The following COL9A3 variants were observed in gnomAD, a reference collection of about 807,000 sequenced individuals.
The protein encoded by COL9A3 is collagen alpha-3(IX) chain.
Under a neutral mutation model 110.2 loss-of-function variants are expected in COL9A3, and 82 were observed. That is an observed-to-expected ratio of 0.74 (90% CI 0.62 to 0.89). COL9A3 has a LOEUF of 0.89. COL9A3 is among the 40% of genes least tolerant of loss of function. The pLI, the probability that COL9A3 is intolerant of heterozygous loss-of-function variation, is 0.00. For synonymous variants in COL9A3, 494 were observed against 403.8 expected, an observed-to-expected ratio of 1.22 and a Z score of -2.68; for missense variants, 1,066 against 981.3, an observed-to-expected ratio of 1.09 and a Z score of -1.15.
At chr20:62,838,649 T>C in intron 30 of COL9A3, 35 bp from the exon 31 acceptor site, 1 of 1,537,680 alleles carries the variant, frequency 6.5e-7, no homozygotes, top group Non-Finnish European at 8.8e-7. Flanking sequence ...CAACAGATAC[T>C]CTAACCATAT....
At position 62,826,399 on chromosome 20, in the gene COL9A3, G is replaced by A. The variant is rs867825915; in HGVS notation, c.738+142G>A. 21 of 818,320 alleles carry A rather than the reference G, an allele frequency of 2.6e-5. No individual in the cohort carries two copies. The African/African-American group carries it at 3.1e-4, about 12-fold the overall frequency. 50.7% of individuals were successfully genotyped at this position (818,320 alleles called of 1,614,324 possible). A position where few individuals can be genotyped will look rare whatever the true frequency, so the allele number is the denominator to read the frequency against. On this transcript the variant is annotated intron_variant, in intron 14 of 31. Transcript: ENST00000649368. ...TCTGGCCATCGCCACTGTGGCGCAG[G>A]CCTTGCTCTGGGCCCCTGTTCTCGC... is the stretch of plus-strand genomic sequence containing the variant.
intron 25 of COL9A3, 56 bp from the exon 26 acceptor site, chr20:62,832,964 G>T: frequency 6.7e-7 from 1 of 1,491,536 alleles, no homozygotes; most frequent in Non-Finnish European, 9.4e-7. Context: ...TTTAAGGCAT[G>T]AAGTCCCTAC....
At chr20:62,822,883 A>C (rs2063522537) in intron 10 of COL9A3, among the ~76,000 whole-genome samples, 1 of 151,056 alleles carries the variant, frequency 6.6e-6, no homozygotes, top group Non-Finnish European at 1.5e-5. Context: ...CACCAGGCGC[A>C]TGGAGCTGTA....
chr20:62,825,196 G>T lies in COL9A3; in HGVS notation c.630+175G>T, dbSNP rs116748499. On this transcript the variant is annotated intron_variant, in intron 12 of 31. Coordinates refer to ENST00000649368, the MANE Select transcript of COL9A3 (RefSeq NM_001853.4). Reference sequence around the variant, plus strand: ...CGGCGGGAGGGAGGGGCTGGGCTCCGGCGGTGGGGAGGGACCGTTTCATGG... The same window carrying T: ...CGGCGGGAGGGAGGGGCTGGGCTCCTGCGGTGGGGAGGGACCGTTTCATGG... Among the ~76,000 whole-genome samples, 4,385 of 138,916 alleles carry T rather than the reference G, an allele frequency of 0.032. 287 individuals carry two copies. The highest frequency in any genetic ancestry group is 0.11 in the African/African-American group (3,526 of 32,292). The allele number at this position is 138,916 out of a possible 152,430, so 91.1% of individuals were successfully genotyped here.
At chr20:62,832,963 TG>T (rs2063608284) in intron 25 of COL9A3, 56 bp from the exon 26 acceptor site, 1 of 1,509,562 alleles carries the variant, frequency 6.6e-7, no homozygotes, top group Non-Finnish European at 9.2e-7. Context: ...CTTTAAGGCA[TG>T]AAGTCCCTAC....
chr20:62,824,621 C>A, intron 11 of COL9A3, 120 bp downstream of exon 11: 1 of 1,090,288 alleles, frequency 9.2e-7, no homozygotes, highest in Non-Finnish European at 1.4e-6. Flanking sequence ...CAGGGTTGCC[C>A]CAGGAAGAAA....
intron 30 of COL9A3, 116 bp downstream of exon 30, chr20:62,837,381 G>T: frequency 3.6e-6 from 4 of 1,112,922 alleles, no homozygotes; most frequent in South Asian, 1.3e-5. Flanking sequence ...CCCCTGGAAC[G>T]TGGGGGCCTC....
chr20:62,826,774 T>A lies in COL9A3; in HGVS notation c.746T>A (p.Ile249Asn). The A allele has an allele frequency of 1.9e-6, 3 of 1,612,700 alleles. No homozygotes were observed. Among genetic ancestry groups the A allele is most frequent in the Non-Finnish European group, 2.5e-6 (3 of 1,179,924 alleles). Residue 249 changes from isoleucine (I) to asparagine (N), a missense_variant, in exon 15 of 32, where the codon ATT becomes AAT. Coordinates refer to ENST00000649368, the MANE Select transcript of COL9A3 (RefSeq NM_001853.4). ...PLGPPGDRGP[I>N]GFRGPPGIPG... Reference sequence around the variant, plus strand: ...CCCCTCTCTCCTCTGCAGGGTCCCATTGGGTTCCGAGGGCCGCCTGGGATC... The same window carrying A: ...CCCCTCTCTCCTCTGCAGGGTCCCAATGGGTTCCGAGGGCCGCCTGGGATC...
At position 62,821,812 on chromosome 20, in the gene COL9A3, T is replaced by C. The variant is rs776565960; in HGVS notation, c.423+2T>C. 1 of 1,594,112 alleles carries C rather than the reference T, an allele frequency of 6.3e-7. No individual in the cohort carries two copies. Among genetic ancestry groups the C allele is most frequent in the Non-Finnish European group, 8.6e-7 (1 of 1,164,906 alleles). On this transcript the variant is annotated splice_donor_variant, in intron 8 of 31. Coordinates refer to ENST00000649368, the MANE Select transcript of COL9A3 (RefSeq NM_001853.4). LOFTEE classifies it high-confidence loss of function. ...GGGATCGGCCTCCGCGGCCCCCCGG[T>C]GAGTGGCTGTCCCAGAGCCCCTCAG... is the stretch of plus-strand genomic sequence containing the variant.
intron 30 of COL9A3, among the ~76,000 whole-genome samples, 160 bp from the exon 31 acceptor site, chr20:62,838,524 C>G (rs960445613): frequency 3.3e-5 from 5 of 152,262 alleles, no homozygotes; most frequent in Admixed American, 2.6e-4. Context: ...TCTCGTCGGA[C>G]CCCGTCAAGC....
At position 62,841,068 on chromosome 20, in the gene COL9A3, C is replaced by A; in HGVS notation, c.*336C>A. On this transcript the variant is annotated 3_prime_UTR_variant, in exon 32 of 32. Transcript: ENST00000649368. ...TTGTGTAAAGACTATGATCTCATCC[C>A]AATAAAATGATATATTAAACCTTCA... is the stretch of plus-strand genomic sequence containing the variant. 3.8e-6 allele frequency: 1 copy of A among 266,282 alleles called. No homozygotes were observed. Among genetic ancestry groups the A allele is most frequent in the Non-Finnish European group, 7.3e-6 (1 of 136,524 alleles). 16.5% of individuals were successfully genotyped at this position (266,282 alleles called of 1,614,324 possible).
rs375356709 is a variant in COL9A3 at position 62,840,517 on chromosome 20, A to G, written c.1865-25A>G. On this transcript the variant is annotated intron_variant, in intron 31 of 31. Transcript: ENST00000649368. The stretch of plus-strand genomic sequence containing the variant: ...TGCTTTCAGTCCGGGCTGCAGCTGA[A>G]CTCACCTTTCTGCTCTGTCCCAAGG... 122 of 1,607,370 alleles carry G rather than the reference A, an allele frequency of 7.6e-5. No individual in the cohort carries two copies. The African/African-American group carries it at 1.4e-3, about 19-fold the overall frequency.
chr20:62,819,091 G>A (rs2147196398), intron 3 of COL9A3, 131 bp from the exon 4 acceptor site: 1 of 917,570 alleles, frequency 1.1e-6, no homozygotes, highest in Non-Finnish European at 1.8e-6. Flanking sequence ...GACAGTAGGG[G>A]GGACCCAGGA....
At chr20:62,828,713 G>T in intron 17 of COL9A3, 51 bp from the exon 18 acceptor site, 1 of 1,599,452 alleles carries the variant, frequency 6.3e-7, no homozygotes, top group African/African-American at 1.3e-5. Flanking sequence ...GACTGTAGAG[G>T]GAGGGAGGGG....
intron 12 of COL9A3, 65 bp from the exon 13 acceptor site, chr20:62,825,752 G>C: frequency 6.7e-7 from 1 of 1,487,078 alleles, no homozygotes; most frequent in Non-Finnish European, 9.2e-7. Context: ...AGGGTGACTG[G>C]AGGCACCGAA....
chr20:62,827,716 T>A (rs1600799645), intron 16 of COL9A3, among the ~76,000 whole-genome samples: 1 of 152,070 alleles, frequency 6.6e-6, no homozygotes, highest in Non-Finnish European at 1.5e-5. Flanking sequence ...GCAGCCGGAG[T>A]GCAGGGAGCC....
chr20:62,817,408 A>G, intron 1 of COL9A3, 159 bp from the exon 2 acceptor site: 2 of 579,734 alleles, frequency 3.4e-6, no homozygotes, highest in Non-Finnish European at 5.9e-6. Flanking sequence ...CGGGGGACAC[A>G]CTGCGCGGGG....
chr20:62,830,558 C>T lies in COL9A3; in HGVS notation c.1257C>T (p.Pro419=), dbSNP rs1331728206. The change falls in exon 24 of 32, where the codon CCC becomes CCT. Residue 419 remains proline, a synonymous_variant. Coordinates refer to ENST00000649368, the MANE Select transcript of COL9A3 (RefSeq NM_001853.4). ...TGGGAGACCCCGGCCTTCCAGGCCCCCAGGGCCTCCGAGGTGACGTGGGCG... is the reference window on the plus strand; with the variant it reads ...TGGGAGACCCCGGCCTTCCAGGCCCTCAGGGCCTCCGAGGTGACGTGGGCG... The part of the protein sequence containing the change: ...GSMGDPGLPG[P]QGLRGDVGDR... 6.2e-7 allele frequency: 1 copy of T among 1,606,914 alleles called. No individual in the cohort carries two copies. Among genetic ancestry groups the T allele is most frequent in the South Asian group, 1.1e-5 (1 of 89,846 alleles).
chr20:62,827,329 A>T (rs760303548), intron 16 of COL9A3, 35 bp downstream of exon 16: 2 of 1,606,012 alleles, frequency 1.2e-6, no homozygotes, highest in South Asian at 2.2e-5. Context: ...CTGGGTCCTT[A>T]TGTGGAAGAA....
Sources: gnomAD v4.1 joint callset for allele counts (sites outside exome capture counted in the v4.1 genomes callset) on GRCh38, gnomAD v4.1.1 for gene constraint, MANE v1.5 for transcripts, NCBI Gene and HGNC (gene_info 2026-07-23, HGNC 2026-07-21) for gene names.